Variants in ANO3 observed in about 807,000 individuals in gnomAD.
ANO3 encodes the protein anoctamin-3.
ANO3 carries 99 observed loss-of-function variants against 144.8 expected under a neutral mutation model. The ratio of observed to expected loss-of-function variants is 0.68; its 90% confidence interval spans 0.58 to 0.81. ANO3 has a LOEUF of 0.81. Ranked by LOEUF, ANO3 falls within the 30% of genes least tolerant of loss-of-function variation. The pLI, the probability that ANO3 is intolerant of heterozygous loss-of-function variation, is 0.00. For synonymous variants in ANO3, 414 were observed against 392.6 expected (o/e 1.05, Z -0.64); for missense variants, 905 against 1,202.2 (o/e 0.75, Z 3.66).
chr11:26,574,038 T>C (rs1285037458), intron 14 of ANO3, among the ~76,000 whole-genome samples: 2 of 152,168 alleles, frequency 1.3e-5, no homozygotes, highest in Non-Finnish European at 2.9e-5. Context: ...CCAGAGGAAC[T>C]CCACAATGAG....
At chr11:26,599,529 T>C in intron 16 of ANO3, 21 bp from the exon 17 acceptor site, 1 of 1,599,462 alleles carries the variant, frequency 6.3e-7, no homozygotes, top group South Asian at 1.1e-5. Flanking sequence ...TGGATGTTTT[T>C]TCTGGTGTCC....
chr11:26,353,655 G>A (rs1483891922), intron 1 of ANO3, among the ~76,000 whole-genome samples: 1 of 152,118 alleles, frequency 6.6e-6, no homozygotes, highest in Non-Finnish European at 1.5e-5. Flanking sequence ...TGCAAATTCC[G>A]ACTGCCTGGT....
chr11:26,573,136 T>C (rs1359579011), intron 14 of ANO3, among the ~76,000 whole-genome samples: 4 of 152,124 alleles, frequency 2.6e-5, no homozygotes, highest in Non-Finnish European at 5.9e-5. Context: ...CACAAGGAGA[T>C]AGGTTTTCAA....
intron 1 of ANO3, among the ~76,000 whole-genome samples, chr11:26,439,303 A>G (rs991210709): frequency 5.9e-5 from 9 of 152,336 alleles, no homozygotes; most frequent in African/African-American, 9.6e-5. Context: ...ACAAACAACT[A>G]AAGAAAAAAA....
At chr11:26,399,093 C>T (rs1052399170) in intron 1 of ANO3, among the ~76,000 whole-genome samples, 1 of 151,890 alleles carries the variant, frequency 6.6e-6, no homozygotes, top group Non-Finnish European at 1.5e-5. Flanking sequence ...ACTCTGTTAC[C>T]TGGCAAAACT....
At chr11:26,340,150 G>A (rs781698712) in intron 1 of ANO3, among the ~76,000 whole-genome samples, 3 of 151,870 alleles carry the variant, frequency 2.0e-5, no homozygotes, top group Non-Finnish European at 4.4e-5. Flanking sequence ...GCTGACCAAA[G>A]GCATTTCCTA....
Position 26,531,289 on chromosome 11 carries a change from G to C in ANO3, c.822G>C (p.Glu274Asp). ...ACAAGTCAGCTTTTCCAGACCTAGA[G>C]GAGTCAGACTGCTATACTGGCCCCT... ...VLDKSAFPDL[E>D]ESDCYTGPFS... Residue 274 changes from glutamate to aspartate, a missense_variant, in exon 8 of 27, where the codon GAG becomes GAC. By Grantham distance (45) the Glu-to-Asp change is conservative. Transcript: ENST00000256737. 2 of 1,613,986 alleles carry C rather than the reference G, an allele frequency of 1.2e-6. No individual in the cohort carries two copies.
Position 26,226,570 on chromosome 11 carries a change from A to G in ANO3, c.154+37240A>G, listed in dbSNP as rs544659504. Among the ~76,000 whole-genome samples, 5 of 152,186 alleles carry G rather than the reference A, an allele frequency of 3.3e-5. No individual in the cohort carries two copies. The South Asian group carries it at 1.0e-3, about 32-fold the overall frequency. The stretch of plus-strand genomic sequence containing the variant: ...TGTACTTGAAATCATAGTATATGAC[A>G]ATTTTATCTTCCCTTCTCCCCTACT... On this transcript the variant is annotated intron_variant, in intron 1 of 27. Coordinates refer to the ANO3 transcript ENST00000672621.
chr11:26,269,687 ACCTT>A (rs1440344830), intron 1 of ANO3, among the ~76,000 whole-genome samples: 1 of 145,056 alleles, frequency 6.9e-6, no homozygotes, highest in Non-Finnish European at 1.5e-5. Flanking sequence ...ACTGCAGCAC[ACCTT>A]GGGAGGTGTG....
chr11:26,238,424 G>A (rs1189035739), intron 1 of ANO3, among the ~76,000 whole-genome samples: 1 of 152,074 alleles, frequency 6.6e-6, no homozygotes, highest in Non-Finnish European at 1.5e-5. Flanking sequence ...CATAGGTTAA[G>A]ACTGAAAAGG....
intron 1 of ANO3, among the ~76,000 whole-genome samples, chr11:26,408,286 C>G (rs1857341679): frequency 6.6e-6 from 1 of 151,356 alleles, no homozygotes; most frequent in Non-Finnish European, 1.5e-5. Context: ...AAGAAAAAAA[C>G]AAACAACCCC....
At chr11:26,415,056 ATGTGTGTGTGTG>A (rs149901742) in intron 1 of ANO3, among the ~76,000 whole-genome samples, 6 of 145,570 alleles carry the variant, frequency 4.1e-5, no homozygotes, top group East Asian at 4.2e-4. Flanking sequence ...ATTGGTGTGT[ATGTGTGTGTGTG>A]TGTGTGTGTG....
upstream of ANO3, among the ~76,000 whole-genome samples, chr11:26,304,749 T>C (rs535638260): frequency 1.3e-5 from 2 of 152,324 alleles, no homozygotes; most frequent in African/African-American, 4.8e-5. Flanking sequence ...TTTTTCAATG[T>C]TACACATAGT....
At chr11:26,464,358 A>C (rs1859523065) in intron 4 of ANO3, among the ~76,000 whole-genome samples, 1 of 151,854 alleles carries the variant, frequency 6.6e-6, no homozygotes, top group South Asian at 2.1e-4. Context: ...AGTCTCTACT[A>C]TCTGTAAAGC....
In ANO3 at chr11:26,612,193, C is replaced by T. The variant is rs1036423768; in HGVS notation, c.1837-12269C>T. The stretch of plus-strand genomic sequence containing the variant: ...AGATCATCTGTTCCTTTCTTTGTCT[C>T]TGTTTGTTTACCTCTGTGGGTTGAT... On this transcript the variant is annotated intron_variant, in intron 17 of 26. Transcript: ENST00000256737. Among the ~76,000 whole-genome samples, 3 of 151,898 alleles carry T rather than the reference C, an allele frequency of 2.0e-5. 1 individual carries two copies. Among genetic ancestry groups the T allele is most frequent in the South Asian group, 4.2e-4 (2 of 4,814 alleles).
At chr11:26,298,810 T>C (rs12223323) in intron 1 of ANO3, among the ~76,000 whole-genome samples, 10,783 of 152,128 alleles carry the variant, frequency 0.071, 746 homozygotes, top group African/African-American at 0.18. Flanking sequence ...TGAATGAGTG[T>C]TGTGAGATAG....
At chr11:26,243,329 A>G (rs964558280) in intron 1 of ANO3, among the ~76,000 whole-genome samples, 1 of 152,020 alleles carries the variant, frequency 6.6e-6, no homozygotes, top group African/African-American at 2.4e-5. Flanking sequence ...TTAAAAGAAT[A>G]AAGTAAAGGC....
At chr11:26,385,312 A>T (rs968434764) in intron 1 of ANO3, among the ~76,000 whole-genome samples, 2 of 152,184 alleles carry the variant, frequency 1.3e-5, no homozygotes, top group Non-Finnish European at 2.9e-5. Flanking sequence ...AGGCATTGAT[A>T]TATTCGCTTT....
chr11:26,280,426 C>T (rs1261997796), intron 1 of ANO3, among the ~76,000 whole-genome samples: 4 of 152,184 alleles, frequency 2.6e-5, no homozygotes, highest in Middle Eastern at 6.8e-3. Flanking sequence ...AGCTGAAGAG[C>T]GAGGAAGCCA....
Sources: allele counts gnomAD v4.1 joint callset (sites outside exome capture counted in the v4.1 genomes callset), GRCh38; gene constraint gnomAD v4.1.1; transcripts MANE v1.5; gene names NCBI Gene and HGNC (gene_info 2026-07-23, HGNC 2026-07-21).